Variants in ARHGAP35 observed in about 807,000 individuals in gnomAD.
The protein encoded by ARHGAP35 is Rho GTPase activating protein 35, also known as rho GTPase-activating protein 35.
Under a neutral mutation model 111.1 loss-of-function variants are expected in ARHGAP35, and 15 were observed. The observed-to-expected ratio is 0.13, with a 90% CI of 0.09 to 0.21. The LOEUF is 0.21. Among genes scored for constraint, ARHGAP35 ranks in the 10% least tolerant of loss-of-function variants. The probability of loss-of-function intolerance (pLI) is 1.00; values close to 1 mark genes in which losing one functional copy is unlikely to be tolerated. For synonymous variants in ARHGAP35, 643 were observed against 710.3 expected, an observed-to-expected ratio of 0.91 and a Z score of 1.51; for missense variants, 1,262 against 1,873.0, an observed-to-expected ratio of 0.67 and a Z score of 6.02.
At chr19:46,930,539 A>G (rs2056267213) in intron 2 of ARHGAP35, among the ~76,000 whole-genome samples, 1 of 145,478 alleles carries the variant, frequency 6.9e-6, no homozygotes, top group African/African-American at 2.6e-5. Flanking sequence ...CCTTTATTAG[A>G]TGTGTTACCA....
intron 5 of ARHGAP35, among the ~76,000 whole-genome samples, chr19:46,998,199 C>T (rs961000463): frequency 1.3e-5 from 2 of 152,154 alleles, no homozygotes; most frequent in African/African-American, 2.4e-5. Flanking sequence ...TGTCTCCGGC[C>T]GAGACGGTCT....
Position 46,969,633 on chromosome 19 carries a change from G to GAGT in ARHGAP35, c.3827-18354_3827-18353insTAG, listed in dbSNP as rs999493548. On this transcript the variant is annotated intron_variant, in intron 3 of 6. Transcript: ENST00000672722. The stretch of plus-strand genomic sequence containing the variant: ...CCTTAGAGAGCACTTGCCTCCTGCA[G>GAGT]AGGTCTAGGGGCAGAGGGTTGGACC... 1.4e-4 allele frequency among the ~76,000 whole-genome samples: 22 copies of GAGT among 152,334 alleles called. 1 individual carries two copies. Among genetic ancestry groups the GAGT allele is most frequent in the African/African-American group, 5.3e-4 (22 of 41,582 alleles).
At chr19:46,950,740 G>A (rs1156379224) in intron 3 of ARHGAP35, among the ~76,000 whole-genome samples, 1 of 152,158 alleles carries the variant, frequency 6.6e-6, no homozygotes, top group African/African-American at 2.4e-5. Context: ...CCTCGCTGTG[G>A]CTCTCTCTGT....
rs1164587611 is a variant in ARHGAP35 at position 46,994,508 on chromosome 19, A to C, written c.4037-4796A>C. Among the ~76,000 whole-genome samples the C allele has an allele frequency of 2.6e-5, 4 of 152,132 alleles. No individual in the cohort carries two copies. Among genetic ancestry groups the C allele is most frequent in the African/African-American group, 9.7e-5 (4 of 41,412 alleles). On this transcript the variant is annotated intron_variant, in intron 5 of 6. Transcript: ENST00000672722. This position sits in a 1 kb window ranked among gnomAD's most constrained non-coding sequence, Gnocchi z 5.4. ...CGGGAGTCTGTGCTTGACCACACCC[A>C]GGCCCAGGTTGGAGCGGGATAGCCC...
chr19:46,933,590 G>A (rs1327268887), intron 2 of ARHGAP35, among the ~76,000 whole-genome samples: 1 of 152,134 alleles, frequency 6.6e-6, no homozygotes, highest in African/African-American at 2.4e-5. Flanking sequence ...ACTTTTTCTA[G>A]GAGTTGGCCT....
At chr19:46,927,891 T>A (rs1459929649) in intron 2 of ARHGAP35, among the ~76,000 whole-genome samples, 1 of 152,140 alleles carries the variant, frequency 6.6e-6, no homozygotes, top group East Asian at 1.9e-4. Flanking sequence ...GTTGCTAATA[T>A]TCAACAGTCA....
intron 1 of ARHGAP35, among the ~76,000 whole-genome samples, chr19:46,861,948 C>T (rs971449966): frequency 1.3e-5 from 2 of 152,220 alleles, no homozygotes; most frequent in Admixed American, 1.3e-4. Context: ...TCTCGCAGAG[C>T]CTGCTGCACC....
At chr19:46,979,252 CTGCGTGGGCA>C (rs1046882572) in intron 3 of ARHGAP35, among the ~76,000 whole-genome samples, 16 of 152,242 alleles carry the variant, frequency 1.1e-4, no homozygotes, top group Admixed American at 1.0e-3. Flanking sequence ...GCCACTGGGC[CTGCGTGGGCA>C]TGCCAGCAAA....
At position 46,988,883 on chromosome 19, in the gene ARHGAP35, G is replaced by A. The variant is rs773079145; in HGVS notation, c.3905-661G>A. On this transcript the variant is annotated intron_variant, in intron 4 of 6. Transcript: ENST00000672722. This position sits in a 1 kb window ranked among gnomAD's most constrained non-coding sequence, Gnocchi z 5.4. The stretch of plus-strand genomic sequence containing the variant: ...GTGGGAGACACGAGGCCAAAGTGAG[G>A]GTAGAGCCCCCAGTGTGGGATGCAT... 6.5e-6 allele frequency: 1 copy of A among 153,384 alleles called. No individual in the cohort carries two copies. The highest frequency in any genetic ancestry group is 1.5e-5 in the Non-Finnish European group (1 of 68,928). The allele number at this position is 153,384 out of a possible 1,614,324, so 9.5% of individuals were successfully genotyped here. A position where few individuals can be genotyped will look rare whatever the true frequency, so the allele number is the denominator to read the frequency against.
At chr19:46,971,585 C>T (rs930520238) in intron 3 of ARHGAP35, among the ~76,000 whole-genome samples, 14 of 149,452 alleles carry the variant, frequency 9.4e-5, no homozygotes, top group Non-Finnish European at 1.8e-4. Context: ...CTGCAACTTC[C>T]CCCTCCCAGG....
intron 1 of ARHGAP35, among the ~76,000 whole-genome samples, chr19:46,882,169 T>A (rs988941472): frequency 2.0e-5 from 3 of 151,932 alleles, no homozygotes; most frequent in Non-Finnish European, 2.9e-5. Context: ...GGTTTCGCTC[T>A]GTCACCCAGC....
At chr19:46,953,631 CT>C (rs1411397630) in intron 3 of ARHGAP35, among the ~76,000 whole-genome samples, 1 of 152,208 alleles carries the variant, frequency 6.6e-6, no homozygotes, top group African/African-American at 2.4e-5. Flanking sequence ...TTTCTCCATT[CT>C]GCTATTCCTT....
Position 46,989,641 on chromosome 19 carries a change from G to T in ARHGAP35, c.4002G>T (p.Pro1334=), listed in dbSNP as rs548207270. Reference sequence around the variant, plus strand: ...CAGAACTGCCTGACCCCCTGGTCCCGTATAACATGCAGATCGACTTGGTGG... The same window carrying T: ...CAGAACTGCCTGACCCCCTGGTCCCTTATAACATGCAGATCGACTTGGTGG... ...FFSELPDPLV[P]YNMQIDLVEA... is the part of the protein sequence containing the mutation. The change falls in exon 5 of 7, where the codon CCG becomes CCT. Residue 1334 remains proline (P), a synonymous_variant. Transcript: ENST00000672722. This position sits in a 1 kb window ranked among gnomAD's most constrained non-coding sequence, Gnocchi z 5.3. 1.2e-6 allele frequency: 2 copies of T among 1,613,910 alleles called. No homozygotes were observed. Among genetic ancestry groups the T allele is most frequent in the South Asian group, 2.2e-5 (2 of 91,078 alleles).
chr19:46,898,098 C>T (rs149356827), intron 1 of ARHGAP35, among the ~76,000 whole-genome samples: 5,360 of 152,010 alleles, frequency 0.035, 137 homozygotes, highest in Non-Finnish European at 0.054. Flanking sequence ...AAAAATTAGC[C>T]GGGCATGGTG....
rs2056651481 is a variant in ARHGAP35 at position 46,986,621 on chromosome 19, CAG to C, written c.3827-1366_3827-1365del. On this transcript the variant is annotated intron_variant, in intron 3 of 6. Coordinates refer to ENST00000672722, the MANE Select transcript of ARHGAP35 (RefSeq NM_004491.5). This position sits in a 1 kb window ranked among gnomAD's most constrained non-coding sequence, Gnocchi z 4.3. The stretch of plus-strand genomic sequence containing the variant: ...AAATTCAGTAAACAAAATTAGAAGA[CAG>C]ATAACAAAAAGGAAAAATGTAAACA... 6.6e-6 allele frequency among the ~76,000 whole-genome samples: 1 copy of C among 151,982 alleles called. No individual in the cohort carries two copies.
At chr19:46,898,024 A>G (rs2056065875) in intron 1 of ARHGAP35, among the ~76,000 whole-genome samples, 1 of 152,160 alleles carries the variant, frequency 6.6e-6, no homozygotes, top group Non-Finnish European at 1.5e-5. Context: ...AGGCCGAGGT[A>G]GGTGGATCAC....
At chr19:46,884,290 C>G (rs2055981225) in intron 1 of ARHGAP35, among the ~76,000 whole-genome samples, 1 of 151,804 alleles carries the variant, frequency 6.6e-6, no homozygotes. Flanking sequence ...CCAGCCTGGG[C>G]AACAAAAACA....
At chr19:46,950,419 C>T (rs2056404863) in intron 3 of ARHGAP35, among the ~76,000 whole-genome samples, 1 of 152,140 alleles carries the variant, frequency 6.6e-6, no homozygotes. Flanking sequence ...CATATGTGTG[C>T]ACTTACATTG....
chr19:46,887,066 G>A (rs1400379108), intron 1 of ARHGAP35, among the ~76,000 whole-genome samples: 1 of 152,140 alleles, frequency 6.6e-6, no homozygotes, highest in Non-Finnish European at 1.5e-5. Flanking sequence ...GTGTATGTAT[G>A]CATGTGTACA....
Sources: allele counts gnomAD v4.1 joint callset (sites outside exome capture counted in the v4.1 genomes callset), GRCh38; gene constraint gnomAD v4.1.1; non-coding constraint Gnocchi (gnomAD v3.1); transcripts MANE v1.5; gene names NCBI Gene and HGNC (gene_info 2026-07-23, HGNC 2026-07-21).